The following CNTN6 variants were observed in gnomAD, a reference collection of about 807,000 sequenced individuals.
The protein encoded by CNTN6 is contactin-6.
CNTN6 carries 137 observed loss-of-function variants against 122.8 expected under a neutral mutation model. That is an observed-to-expected ratio of 1.12 (90% CI 0.97 to 1.29). The LOEUF (loss-of-function observed/expected upper bound fraction) is 1.29, where lower values mean the gene tolerates loss of function less well. Among genes scored for constraint, CNTN6 ranks in the 50% most tolerant of loss-of-function variants. The probability of loss-of-function intolerance (pLI) is 0.00; values close to 1 mark genes in which losing one functional copy is unlikely to be tolerated. For synonymous variants in CNTN6, 570 were observed against 426.0 expected, an observed-to-expected ratio of 1.34 and a Z score of -4.16; for missense variants, 1,634 against 1,223.4, an observed-to-expected ratio of 1.34 and a Z score of -5.01.
At chr3:1,311,148 C>T (rs1234329446) in intron 7 of CNTN6, among the ~76,000 whole-genome samples, 1 of 139,934 alleles carries the variant, frequency 7.1e-6, no homozygotes, top group East Asian at 2.0e-4. Context: ...TATAAAATGT[C>T]TTTATATATA....
chr3:1,152,394 C>T (rs969273510), intron 2 of CNTN6, among the ~76,000 whole-genome samples: 3 of 152,120 alleles, frequency 2.0e-5, no homozygotes, highest in South Asian at 2.1e-4. Flanking sequence ...CCACCTCAGC[C>T]TCCCAAAGTG....
At chr3:1,292,822 T>A (rs1205483412) in intron 5 of CNTN6, among the ~76,000 whole-genome samples, 1 of 152,128 alleles carries the variant, frequency 6.6e-6, no homozygotes. Context: ...AAAAGCCTTT[T>A]GTATTTCCCT....
At chr3:1,097,820 C>T (rs1302706552) in intron 1 of CNTN6, among the ~76,000 whole-genome samples, 4 of 152,034 alleles carry the variant, frequency 2.6e-5, no homozygotes, top group African/African-American at 9.7e-5. Context: ...GCTATTATAA[C>T]ATTTATATAT....
chr3:1,281,808 A>G (rs1367866809), intron 5 of CNTN6, among the ~76,000 whole-genome samples: 2 of 152,242 alleles, frequency 1.3e-5, no homozygotes, highest in African/African-American at 4.8e-5. Context: ...ACAGTCAGCA[A>G]GAATGAGTCT....
At chr3:1,317,963 C>T (rs957507153) in intron 7 of CNTN6, among the ~76,000 whole-genome samples, 14 of 150,492 alleles carry the variant, frequency 9.3e-5, no homozygotes, top group Admixed American at 7.3e-4. Context: ...TAACCATCTT[C>T]AAAATGGAAC....
Position 1,266,428 on chromosome 3 carries a change from A to G in CNTN6, c.359-11985A>G, listed in dbSNP as rs531622873. On this transcript the variant is annotated intron_variant, in intron 4 of 22. Coordinates refer to ENST00000446702, the MANE Select transcript of CNTN6 (RefSeq NM_001289080.2). ...GAAGTTCTTGCAAACCGAAACCAGT[A>G]GGATAAAAATCTCTGGTAAACTCAG... is the stretch of plus-strand genomic sequence containing the variant. Among the ~76,000 whole-genome samples, 111 of 152,298 alleles carry G rather than the reference A, an allele frequency of 7.3e-4. 3 individuals are homozygous for G. The highest frequency in any genetic ancestry group is 4.9e-4 in the Non-Finnish European group (33 of 68,020).
chr3:1,232,363 G>C (rs1013072979), intron 4 of CNTN6, among the ~76,000 whole-genome samples: 1 of 152,104 alleles, frequency 6.6e-6, no homozygotes, highest in Non-Finnish European at 1.5e-5. Flanking sequence ...TACCCATCAA[G>C]TACTACACTA....
chr3:1,397,534 G>A (rs992684218), intron 20 of CNTN6, among the ~76,000 whole-genome samples: 56 of 151,924 alleles, frequency 3.7e-4, no homozygotes, highest in African/African-American at 1.3e-3. Flanking sequence ...CAGAGGTACT[G>A]CAAATATACT....
At chr3:1,297,392 T>C (rs1696432272) in intron 6 of CNTN6, among the ~76,000 whole-genome samples, 1 of 152,180 alleles carries the variant, frequency 6.6e-6, no homozygotes, top group African/African-American at 2.4e-5. Context: ...CATCATCTTA[T>C]CTTGGCACAT....
At chr3:1,252,937 C>T (rs2094694083) in intron 4 of CNTN6, among the ~76,000 whole-genome samples, 1 of 152,116 alleles carries the variant, frequency 6.6e-6, no homozygotes, top group Non-Finnish European at 1.5e-5. Context: ...CGAAGACTCC[C>T]TATTGAAAGA....
At chr3:1,241,464 G>A (rs185494836) in intron 4 of CNTN6, among the ~76,000 whole-genome samples, 18 of 152,152 alleles carry the variant, frequency 1.2e-4, no homozygotes, top group Admixed American at 3.3e-4. Context: ...AACATTTGTC[G>A]TATAGAATGA....
chr3:1,097,286 C>A (rs1427207981), intron 1 of CNTN6, among the ~76,000 whole-genome samples: 1 of 152,160 alleles, frequency 6.6e-6, no homozygotes, highest in Non-Finnish European at 1.5e-5. Flanking sequence ...AACGTTACAT[C>A]ATAGTAACAT....
At chr3:1,142,228 AC>A (rs1336531176) in intron 1 of CNTN6, among the ~76,000 whole-genome samples, 91 of 151,160 alleles carry the variant, frequency 6.0e-4, no homozygotes, top group African/African-American at 2.0e-3. Flanking sequence ...AAAAAAAAAA[AC>A]ATGATTATTC....
intron 2 of CNTN6, among the ~76,000 whole-genome samples, chr3:1,210,569 C>G (rs1342303625): frequency 6.6e-6 from 1 of 151,918 alleles, no homozygotes; most frequent in Non-Finnish European, 1.5e-5. Context: ...AAAATAAAGC[C>G]AGGGAGGGTA....
chr3:1,188,110 T>A (rs2093654314), intron 2 of CNTN6, among the ~76,000 whole-genome samples: 1 of 152,128 alleles, frequency 6.6e-6, no homozygotes, highest in African/African-American at 2.4e-5. Flanking sequence ...AATGACCCAA[T>A]GATGCAAGCA....
At chr3:1,171,669 G>A (rs1464619375) in intron 2 of CNTN6, among the ~76,000 whole-genome samples, 1 of 152,126 alleles carries the variant, frequency 6.6e-6, no homozygotes, top group African/African-American at 2.4e-5. Flanking sequence ...GTACAGTTGT[G>A]TGAACAAATT....
At chr3:1,257,784 A>G (rs1001484548) in intron 4 of CNTN6, among the ~76,000 whole-genome samples, 4 of 152,202 alleles carry the variant, frequency 2.6e-5, no homozygotes, top group African/African-American at 4.8e-5. Flanking sequence ...CCGAAGGGTC[A>G]TATTTCTCCT....
chr3:1,292,885 A>T (rs1415995443), intron 5 of CNTN6, among the ~76,000 whole-genome samples: 1 of 152,008 alleles, frequency 6.6e-6, no homozygotes, highest in Non-Finnish European at 1.5e-5. Context: ...TAAATGTAAG[A>T]ATTTGCATAA....
intron 1 of CNTN6, among the ~76,000 whole-genome samples, chr3:1,111,384 C>G (rs1053354278): frequency 3.9e-5 from 6 of 152,108 alleles, no homozygotes; most frequent in African/African-American, 1.4e-4. Context: ...ATAAAAACCT[C>G]AAAGGATATG....
Sources: gnomAD v4.1 joint callset for allele counts (sites outside exome capture counted in the v4.1 genomes callset) on GRCh38, gnomAD v4.1.1 for gene constraint, MANE v1.5 for transcripts, NCBI Gene and HGNC (gene_info 2026-07-23, HGNC 2026-07-21) for gene names.